The following QKI variants were observed in gnomAD, a reference collection of about 807,000 sequenced individuals.
The protein encoded by QKI is KH domain-containing RNA-binding protein QKI.
A neutral mutation model predicts 39.0 loss-of-function variants in QKI; 10 were observed. The ratio of observed to expected loss-of-function variants is 0.26; its 90% confidence interval spans 0.16 to 0.43. The LOEUF (loss-of-function observed/expected upper bound fraction) is 0.43. Among genes scored for constraint, QKI ranks in the 20% least tolerant of loss-of-function variants. The pLI is 1.00. For synonymous variants in QKI, 204 were observed against 155.4 expected (o/e 1.31, Z -2.33); for missense variants, 218 against 428.0 (o/e 0.51, Z 4.33).
At chr6:163,464,826 A>G (rs572782547) in intron 2 of QKI, among the ~76,000 whole-genome samples, 93 of 152,346 alleles carry the variant, frequency 6.1e-4, no homozygotes, top group African/African-American at 2.2e-3. Context: ...CACTTCCCAG[A>G]TTCATTTTAT....
chr6:163,537,024 C>T (rs1781249998), intron 4 of QKI, among the ~76,000 whole-genome samples: 1 of 152,132 alleles, frequency 6.6e-6, no homozygotes, highest in Non-Finnish European at 1.5e-5. Flanking sequence ...GCCTGGGCAA[C>T]ATAGCAAGAC....
chr6:163,510,001 G>GCT (rs1417173015), intron 3 of QKI, among the ~76,000 whole-genome samples: 3 of 151,942 alleles, frequency 2.0e-5, no homozygotes, highest in Non-Finnish European at 4.4e-5. Flanking sequence ...ATTGCCCTGA[G>GCT]CTCAGGAGTT....
chr6:163,556,503 C>CAAAAAAAAAAAAAAAAAAAAAAA (rs61233361), intron 4 of QKI, among the ~76,000 whole-genome samples: 1 of 83,086 alleles, frequency 1.2e-5, no homozygotes, highest in Non-Finnish European at 2.5e-5. Context: ...AATTCCACCT[C>CAAAAAAAAAAAAAAAAAAAAAAA]AAAAAAAAAA....
intron 1 of QKI, chr6:163,428,999 C>T (rs2128210257): frequency 6.6e-6 from 1 of 152,238 alleles, no homozygotes; most frequent in South Asian, 2.1e-4. Context: ...ATTTTCAGTT[C>T]ATCTTTGGCA....
intron 3 of QKI, among the ~76,000 whole-genome samples, chr6:163,499,874 T>C (rs924526306): frequency 3.9e-5 from 6 of 152,160 alleles, no homozygotes; most frequent in African/African-American, 1.2e-4. Context: ...CGAACAAAGG[T>C]AATTTCAGAT....
At chr6:163,471,705 C>T (rs1210767872) in intron 2 of QKI, among the ~76,000 whole-genome samples, 1 of 151,970 alleles carries the variant, frequency 6.6e-6, no homozygotes, top group Non-Finnish European at 1.5e-5. Flanking sequence ...CGTCCGCCCA[C>T]ATCCAGGAAA....
chr6:163,449,623 G>T (rs549027233), intron 1 of QKI, among the ~76,000 whole-genome samples: 1 of 152,188 alleles, frequency 6.6e-6, no homozygotes, highest in East Asian at 1.9e-4. Context: ...TTTTGGCTTT[G>T]AATTTTACTT....
chr6:163,542,782 C>T (rs1431469995), intron 4 of QKI, among the ~76,000 whole-genome samples: 1 of 151,966 alleles, frequency 6.6e-6, no homozygotes, highest in Non-Finnish European at 1.5e-5. Context: ...TATAGCTGAT[C>T]TCTTTATATA....
At chr6:163,461,767 A>G (rs1313556994) in intron 2 of QKI, among the ~76,000 whole-genome samples, 1 of 152,142 alleles carries the variant, frequency 6.6e-6, no homozygotes, top group Non-Finnish European at 1.5e-5. Context: ...TTTCAGCCCA[A>G]TTTGAGAGAG....
At chr6:163,457,297 G>T (rs923359187) in intron 2 of QKI, 3 of 455,802 alleles carry the variant, frequency 6.6e-6, no homozygotes, top group Non-Finnish European at 1.3e-5. Context: ...TTCTTTAAAA[G>T]ACATGGGTTT....
At chr6:163,489,171 T>G (rs1283164062) in intron 3 of QKI, among the ~76,000 whole-genome samples, 9 of 151,704 alleles carry the variant, frequency 5.9e-5, no homozygotes, top group Non-Finnish European at 1.3e-4. Flanking sequence ...TTTTTTTTTT[T>G]GCCGTTACAA....
rs959194583 is a variant in QKI, at chr6:163,575,729, T to C, written c.*5019T>C. The C allele has an allele frequency of 3.3e-5, 5 of 152,194 alleles. No individual in the cohort carries two copies. The highest frequency in any genetic ancestry group is 5.9e-5 in the Non-Finnish European group (4 of 68,042). The allele number at this position is 152,194 out of a possible 1,614,324, so 9.4% of individuals were successfully genotyped here. ...ACACTACATAAGGATCTGAATTTTT[T>C]AGTGTGCCAAAAGCAAACGATAGGT... is the stretch of plus-strand genomic sequence containing the variant. On this transcript the variant is annotated 3_prime_UTR_variant, in exon 8 of 8. Transcript: ENST00000361752.
chr6:163,433,778 G>T (rs943183566), intron 1 of QKI, among the ~76,000 whole-genome samples: 2 of 151,726 alleles, frequency 1.3e-5, no homozygotes, highest in Non-Finnish European at 2.9e-5. Flanking sequence ...AAAAAAAAAA[G>T]AATGAACCAC....
At chr6:163,436,463 A>T (rs1789278520) in intron 1 of QKI, among the ~76,000 whole-genome samples, 1 of 152,182 alleles carries the variant, frequency 6.6e-6, no homozygotes, top group Admixed American at 6.5e-5. Context: ...AAAACGTTTT[A>T]CAAATTCTCT....
intron 1 of QKI, among the ~76,000 whole-genome samples, chr6:163,439,330 G>GTTTTTT (rs200238041): frequency 8.3e-6 from 1 of 120,708 alleles, no homozygotes; most frequent in Non-Finnish European, 1.7e-5. Flanking sequence ...ATCCTTCGTG[G>GTTTTTT]TTTTTTTTTG....
At chr6:163,556,846 T>C (rs1208183714) in intron 4 of QKI, among the ~76,000 whole-genome samples, 2 of 152,094 alleles carry the variant, frequency 1.3e-5, no homozygotes, top group Non-Finnish European at 2.9e-5. Flanking sequence ...TTAGCAGGAG[T>C]GTGTTCTATT....
Position 163,561,985 on chromosome 6 carries a change from G to A in QKI, c.550G>A (p.Glu184Lys). Residue 184 changes from glutamate (E) to lysine (K), a missense_variant, in exon 5 of 8, where the codon GAA (glutamate) becomes AAA (lysine). Physicochemically the swap from Glu to Lys is moderately conservative, Grantham distance 56. Transcript: ENST00000361752. ...EVKKLLVPAAEGEDSLKKMQL... is the reference protein window; with the variant it reads ...EVKKLLVPAAKGEDSLKKMQL... ...CTCATGTGTTTTCCATGTATAGGCA[G>A]AAGGAGAAGACAGCCTGAAGAAGAT... 6.2e-7 allele frequency: 1 copy of A among 1,612,372 alleles called. No individual in the cohort carries two copies. Among genetic ancestry groups the A allele is most frequent in the Non-Finnish European group, 8.5e-7 (1 of 1,179,360 alleles).
At chr6:163,492,966 T>G (rs1250247334) in intron 3 of QKI, among the ~76,000 whole-genome samples, 2 of 152,172 alleles carry the variant, frequency 1.3e-5, no homozygotes, top group Non-Finnish European at 2.9e-5. Context: ...ATGAAAGCCT[T>G]TCACGTTTAG....
At chr6:163,509,875 T>G (rs950377122) in intron 3 of QKI, among the ~76,000 whole-genome samples, 3 of 152,078 alleles carry the variant, frequency 2.0e-5, no homozygotes, top group African/African-American at 7.2e-5. Context: ...GAAGAACCAC[T>G]TCAATTGAAT....
Sources: gnomAD v4.1 joint callset for allele counts (sites outside exome capture counted in the v4.1 genomes callset) on GRCh38, gnomAD v4.1.1 for gene constraint, MANE v1.5 for transcripts, NCBI Gene and HGNC (gene_info 2026-07-23, HGNC 2026-07-21) for gene names.